The following ANKFY1 variants were observed in gnomAD, a reference collection of about 807,000 sequenced individuals.
ANKFY1 encodes ankyrin repeat and FYVE domain-containing protein 1.
In ANKFY1, 47 loss-of-function variants were observed where a neutral mutation model predicts 128.3. That is an observed-to-expected ratio of 0.37 (90% confidence interval 0.29 to 0.47). ANKFY1 has a LOEUF of 0.47. ANKFY1 is among the 20% of genes least tolerant of loss of function. The pLI, the probability that ANKFY1 is intolerant of heterozygous loss-of-function variation, is 1.00. For missense variants in ANKFY1, 1,222 were observed against 1,510.6 expected, an observed-to-expected ratio of 0.81 and a Z score of 3.17; for synonymous variants, 553 against 601.6, an observed-to-expected ratio of 0.92 and a Z score of 1.18.
intron 1 of ANKFY1, among the ~76,000 whole-genome samples, chr17:4,253,393 A>C (rs1967948567): frequency 6.6e-6 from 1 of 152,222 alleles, no homozygotes; most frequent in Non-Finnish European, 1.5e-5. Context: ...ATGACTGTAT[A>C]TATTTGTCAA....
chr17:4,208,820 C>T (rs767938417), intron 5 of ANKFY1, among the ~76,000 whole-genome samples: 2 of 152,078 alleles, frequency 1.3e-5, no homozygotes, highest in African/African-American at 4.8e-5. Context: ...TTTGGGAGGC[C>T]GAGGTGGGCG....
intron 2 of ANKFY1, among the ~76,000 whole-genome samples, chr17:4,240,060 A>G (rs2143347352): frequency 7.6e-6 from 1 of 131,724 alleles, no homozygotes; most frequent in South Asian, 2.5e-4. Flanking sequence ...TGACATTAGC[A>G]TGCCTTTTTT....
rs778206530 is a variant in ANKFY1 at position 4,167,768 on chromosome 17, CG to C, written c.*10del. On this transcript the variant is annotated 3_prime_UTR_variant, in exon 25 of 25. Coordinates refer to ENST00000341657, the MANE Select transcript of ANKFY1 (RefSeq NM_001330063.2). This position sits in a 1 kb window ranked among gnomAD's most constrained non-coding sequence, Gnocchi z 4.1. The stretch of plus-strand genomic sequence containing the variant: ...GACCAAGGACGTGGCCTGGACCCTC[CG>C]GGGGGCTCACTAAGAAACCCCACCC... 1 of 1,611,072 alleles carries C rather than the reference CG, an allele frequency of 6.2e-7. No homozygotes were observed. Among genetic ancestry groups the C allele is most frequent in the African/African-American group, 1.3e-5 (1 of 74,968 alleles).
intron 1 of ANKFY1, among the ~76,000 whole-genome samples, chr17:4,244,627 T>G (rs1967434957): frequency 1.3e-5 from 2 of 152,052 alleles, no homozygotes; most frequent in Admixed American, 1.3e-4. Flanking sequence ...CCTCATTCCA[T>G]GCCAACACCC....
At chr17:4,197,144 A>T (rs537819029) in intron 8 of ANKFY1, among the ~76,000 whole-genome samples, 1 of 152,058 alleles carries the variant, frequency 6.6e-6, no homozygotes, top group African/African-American at 2.4e-5. Context: ...AACAACACAC[A>T]AAAAAAACCT....
At position 4,197,508 on chromosome 17, in the gene ANKFY1, T is replaced by C; in HGVS notation, c.968A>G (p.Gln323Arg). The change falls in exon 8 of 25, where the codon CAG becomes CGG. Residue 323 changes from glutamine to arginine, a missense_variant. Gln to Arg is a conservative substitution (Grantham distance 43). Coordinates refer to ENST00000341657, the MANE Select transcript of ANKFY1 (RefSeq NM_001330063.2). ...AFVNAATLGA[Q>R]ETPLHLVALY... Reference sequence around the variant, plus strand: ...GGCCACAAGGTGCAGTGGTGTCTCCTGGGCACCCAGTGTAGCAGCGTTGAC... The same window carrying C: ...GGCCACAAGGTGCAGTGGTGTCTCCCGGGCACCCAGTGTAGCAGCGTTGAC... The C allele has an allele frequency of 6.2e-7, 1 of 1,614,210 alleles. No homozygotes were observed. The highest frequency in any genetic ancestry group is 8.5e-7 in the Non-Finnish European group (1 of 1,180,026).
rs1164424761 is a variant in ANKFY1, at chr17:4,167,941, G to A, written c.3378-30C>T. Reference sequence around the variant, plus strand: ...GGAAGCAAAGAAAGGAAGTATGAGAGGAGCGCCAACGACAGACTCTGCTTC... The same window carrying A: ...GGAAGCAAAGAAAGGAAGTATGAGAAGAGCGCCAACGACAGACTCTGCTTC... On this transcript the variant is annotated intron_variant, in intron 24 of 24. Coordinates refer to ENST00000341657, the MANE Select transcript of ANKFY1 (RefSeq NM_001330063.2). The surrounding 1 kb of genome is among the most constrained non-coding windows in gnomAD (Gnocchi z 4.1). 1 of 1,604,914 alleles carries A rather than the reference G, an allele frequency of 6.2e-7. No individual in the cohort carries two copies. The highest frequency in any genetic ancestry group is 1.1e-5 in the South Asian group (1 of 90,236).
chr17:4,167,985 C>A lies in ANKFY1; in HGVS notation c.3378-74G>T. On this transcript the variant is annotated intron_variant, in intron 24 of 24. Transcript: ENST00000341657. This position sits in a 1 kb window ranked among gnomAD's most constrained non-coding sequence, Gnocchi z 4.1. ...CTGCTTCCTGGCACGTGAGGACAAC[C>A]GCAGCAGGGCCTGGCAGCCAAGGCG... is the stretch of plus-strand genomic sequence containing the variant. The A allele has an allele frequency of 6.6e-7, 1 of 1,514,662 alleles. No homozygotes were observed. The highest frequency in any genetic ancestry group is 8.9e-7 in the Non-Finnish European group (1 of 1,122,544). The allele number at this position is 1,514,662 out of a possible 1,614,324, so 93.8% of individuals were successfully genotyped here.
At chr17:4,182,904 G>T (rs1214459792) in intron 14 of ANKFY1, among the ~76,000 whole-genome samples, 1 of 152,098 alleles carries the variant, frequency 6.6e-6, no homozygotes, top group Non-Finnish European at 1.5e-5. Flanking sequence ...TCAGGAGTTC[G>T]AGACCAGCCT....
intron 10 of ANKFY1, among the ~76,000 whole-genome samples, chr17:4,191,827 TTGCTC>T (rs768978352): frequency 3.9e-5 from 1 of 25,608 alleles, no homozygotes; most frequent in Non-Finnish European, 4.0e-4. Context: ...TAGTTGATGG[TTGCTC>T]TAATCTGGAG....
intron 3 of ANKFY1, chr17:4,223,165 C>A: frequency 1.3e-6 from 1 of 791,556 alleles, no homozygotes; most frequent in South Asian, 1.4e-5. Flanking sequence ...CAATGATGCT[C>A]ACTGAAAGTC....
intron 3 of ANKFY1, among the ~76,000 whole-genome samples, chr17:4,221,409 G>A (rs557342028): frequency 3.9e-5 from 6 of 152,120 alleles, no homozygotes; most frequent in East Asian, 3.9e-4. Flanking sequence ...AAAGAGTTTC[G>A]TCATGTTGCC....
chr17:4,192,720 C>G (rs1210301737), intron 10 of ANKFY1, among the ~76,000 whole-genome samples: 1 of 152,184 alleles, frequency 6.6e-6, no homozygotes, highest in Non-Finnish European at 1.5e-5. Flanking sequence ...AAAGATAACC[C>G]ATGACTGCCA....
At chr17:4,182,409 C>T (rs886148314) in intron 14 of ANKFY1, 60 bp from the exon 15 acceptor site, 3 of 1,346,244 alleles carry the variant, frequency 2.2e-6, no homozygotes, top group East Asian at 2.6e-5. Flanking sequence ...ACAGAAGGTG[C>T]CCTTCTGGGC....
chr17:4,202,554 G>A (rs1348790207), intron 7 of ANKFY1, among the ~76,000 whole-genome samples: 9 of 141,520 alleles, frequency 6.4e-5, no homozygotes, highest in Admixed American at 7.1e-5. Context: ...AAAATTAGCC[G>A]GGCATGGTGG....
At chr17:4,187,094 C>G in intron 11 of ANKFY1, 1 of 1,012,562 alleles carries the variant, frequency 9.9e-7, no homozygotes, top group Non-Finnish European at 1.3e-6. Flanking sequence ...GTTAGTGCAC[C>G]CGTCACCTGA....
chr17:4,223,357 G>A, intron 3 of ANKFY1: 12 of 1,584,084 alleles, frequency 7.6e-6, no homozygotes, highest in Non-Finnish European at 1.0e-5. Context: ...TGGTACACAT[G>A]GCTATTCAGA....
chr17:4,166,756 G>C lies in ANKFY1; in HGVS notation c.*1023C>G, dbSNP rs777706297. Reference sequence around the variant, plus strand: ...AGGACATAGGACCTGCCGGCCTGAGGCTGGAGATGCCCTTGGGGCTGAAGC... The same window carrying C: ...AGGACATAGGACCTGCCGGCCTGAGCCTGGAGATGCCCTTGGGGCTGAAGC... On this transcript the variant is annotated 3_prime_UTR_variant, in exon 25 of 25. Coordinates refer to ENST00000341657, the MANE Select transcript of ANKFY1 (RefSeq NM_001330063.2). 6 of 152,268 alleles carry C rather than the reference G, an allele frequency of 3.9e-5. No individual in the cohort carries two copies. Among genetic ancestry groups the C allele is most frequent in the East Asian group, 1.9e-4 (1 of 5,204 alleles). The allele number at this position is 152,268 out of a possible 1,614,324, so 9.4% of individuals were successfully genotyped here.
At chr17:4,259,465 A>G (rs945470337) in intron 1 of ANKFY1, among the ~76,000 whole-genome samples, 4 of 152,166 alleles carry the variant, frequency 2.6e-5, no homozygotes, top group Admixed American at 2.0e-4. Flanking sequence ...TATGTTTAGT[A>G]GAGATGGGGT....
Sources: gnomAD v4.1 joint callset for allele counts (sites outside exome capture counted in the v4.1 genomes callset) on GRCh38, gnomAD v4.1.1 for gene constraint, Gnocchi (gnomAD v3.1) non-coding constraint, MANE v1.5 for transcripts, NCBI Gene and HGNC (gene_info 2026-07-23, HGNC 2026-07-21) for gene names.